CAPN10: variants seen among roughly 807,000 people sequenced by gnomAD.
CAPN10 encodes the protein calpain-10.
In CAPN10, 71 loss-of-function variants were observed where a neutral mutation model predicts 78.4. That is an observed-to-expected ratio of 0.91 (90% confidence interval 0.75 to 1.10). The LOEUF is 1.10. Among genes scored for constraint, CAPN10 ranks in the 50% least tolerant of loss-of-function variants. CAPN10 has a pLI of 0.00. For missense variants in CAPN10, 849 were observed against 924.6 expected (o/e 0.92, Z 1.06); for synonymous variants, 437 against 407.2 (o/e 1.07, Z -0.88).
chr2:240,592,189 G>C (rs370061942), intron 4 of CAPN10, 39 bp downstream of exon 4: 1 of 1,515,386 alleles, frequency 6.6e-7, no homozygotes. Context: ...TGCAGCCAGC[G>C]TGCCCCCCAC....
intron 6 of CAPN10, 75 bp downstream of exon 6, chr2:240,594,784 C>T: frequency 8.3e-7 from 1 of 1,205,620 alleles, no homozygotes; most frequent in Non-Finnish European, 1.1e-6. Flanking sequence ...TGCCTGGGTT[C>T]CCCCTGCCCA....
rs758159564 is a variant in CAPN10, at chr2:240,597,877, G to A, written c.1744-11G>A. On this transcript the variant is annotated splice_polypyrimidine_tract_variant and intron_variant, in intron 9 of 11. Coordinates refer to ENST00000391984, the MANE Select transcript of CAPN10 (RefSeq NM_023083.4). ...GCTGGCCCCCTCAGTCTGAGCCTGC[G>A]CTTTCCTCAGGTCCCAGAGGGTGGA... 50 of 1,582,144 alleles carry A rather than the reference G, an allele frequency of 3.2e-5. No individual in the cohort carries two copies. The highest frequency in any genetic ancestry group is 3.6e-5 in the Admixed American group (2 of 55,314).
intron 5 of CAPN10, 65 bp downstream of exon 5, chr2:240,594,112 T>C: frequency 6.8e-7 from 1 of 1,473,840 alleles, no homozygotes; most frequent in Non-Finnish European, 9.1e-7. Context: ...CTGGCCTGTG[T>C]CCTGGTCACC....
Position 240,592,138 on chromosome 2 carries a change from A to G in CAPN10, c.676A>G (p.Ser226Gly), listed in dbSNP as rs1281552801. The G allele has an allele frequency of 1.9e-6, 3 of 1,565,460 alleles. No individual in the cohort carries two copies. The highest frequency in any genetic ancestry group is 1.7e-6 in the Non-Finnish European group (2 of 1,155,420). ...DQCLISCCVL[S>G]PRAGARELGE... The stretch of plus-strand genomic sequence containing the variant: ...GTGTCTGATCAGCTGCTGCGTGCTC[A>G]GCCCCAGAGCAGGTGAGGCACGTGG... Residue 226 changes from serine (S) to glycine (G), a missense_variant, in exon 4 of 12, where the codon AGC becomes GGC. Coordinates refer to ENST00000391984, the MANE Select transcript of CAPN10 (RefSeq NM_023083.4).
Position 240,597,944 on chromosome 2 carries a change from G to C in CAPN10, c.1800G>C (p.Leu600=), listed in dbSNP as rs1559427767. Residue 600 remains leucine (L), a synonymous_variant, in exon 10 of 12, where the codon CTG becomes CTC. Transcript: ENST00000391984. ...DAPPLLLQEP[L]LSCVPHRYAQ... ...CCCCACTGCTGCTGCAGGAGCCGCT[G>C]CTGAGCTGCGTGCCACATCGCTACG... is the stretch of plus-strand genomic sequence containing the variant. The C allele has an allele frequency of 1.2e-6, 2 of 1,612,664 alleles. No homozygotes were observed. The highest frequency in any genetic ancestry group is 3.3e-5 in the Admixed American group (2 of 59,952).
chr2:240,591,093 G>A lies in CAPN10; in HGVS notation c.470+82G>A, dbSNP rs947642843. On this transcript the variant is annotated intron_variant, in intron 3 of 11. Coordinates refer to ENST00000391984, the MANE Select transcript of CAPN10 (RefSeq NM_023083.4). ...CATGGGCTGCCCCAGGAGGGTCTCT[G>A]CTCACTCTGGGCTGCAGAGCCCCCT... is the stretch of plus-strand genomic sequence containing the variant. 3.0e-6 allele frequency: 4 copies of A among 1,334,892 alleles called. No individual in the cohort carries two copies. The African/African-American group carries it at 5.8e-5, about 19-fold the overall frequency. The allele number at this position is 1,334,892 out of a possible 1,614,324, so 82.7% of individuals were successfully genotyped here. A position where few individuals can be genotyped will look rare whatever the true frequency, so the allele number is the denominator to read the frequency against.
At chr2:240,597,248 C>T (rs915991023) in intron 9 of CAPN10, among the ~76,000 whole-genome samples, 4 of 152,088 alleles carry the variant, frequency 2.6e-5, no homozygotes, top group African/African-American at 9.7e-5. Flanking sequence ...GACAGGAGGC[C>T]GAGGTTGAGA....
chr2:240,598,152 T>A, intron 10 of CAPN10, 65 bp downstream of exon 10: 2 of 1,487,362 alleles, frequency 1.3e-6, no homozygotes, highest in Non-Finnish European at 1.9e-6. Flanking sequence ...AGTGCTCGCC[T>A]GTCCCCCCAC....
At chr2:240,593,805 C>A in intron 4 of CAPN10, 101 bp from the exon 5 acceptor site, 1 of 1,401,734 alleles carries the variant, frequency 7.1e-7, no homozygotes, top group Non-Finnish European at 9.6e-7. Flanking sequence ...GTGGGGTGGG[C>A]TGGAGCATCT....
Position 240,594,056 on chromosome 2 carries a change from TG to T in CAPN10, c.830+13del. On this transcript the variant is annotated intron_variant, in intron 5 of 11. Coordinates refer to ENST00000391984, the MANE Select transcript of CAPN10 (RefSeq NM_023083.4). ...GGGCTCTGGAGAGAGGGGTGAGTGC[TG>T]GGGCCTGGACCATGCTGCTGTCGGG... 1 of 1,586,964 alleles carries T rather than the reference TG, an allele frequency of 6.3e-7. No homozygotes were observed. Among genetic ancestry groups the T allele is most frequent in the Non-Finnish European group, 8.6e-7 (1 of 1,163,688 alleles).
At chr2:240,592,262 A>C (rs2093107370) in intron 4 of CAPN10, 112 bp downstream of exon 4, 1 of 901,752 alleles carries the variant, frequency 1.1e-6, no homozygotes, top group African/African-American at 1.6e-5. Context: ...GTCAGGACTA[A>C]GTGGGAAGAA....
At position 240,598,991 on chromosome 2, in the gene CAPN10, A is replaced by AT. The variant is rs1194493180; in HGVS notation, c.*312dup. ...CTCCCAGATCCTCTGCTGACTCCAT[A>AT]TGGAGGCCTCACACCCAGAGGGTAG... On this transcript the variant is annotated 3_prime_UTR_variant, in exon 12 of 12. Transcript: ENST00000391984. The AT allele has an allele frequency of 4.1e-6, 2 of 493,332 alleles. No individual in the cohort carries two copies. The highest frequency in any genetic ancestry group is 3.3e-5 in the Admixed American group (1 of 30,214). 30.6% of individuals were successfully genotyped at this position (493,332 alleles called of 1,614,324 possible).
At position 240,598,273 on chromosome 2, in the gene CAPN10, G is replaced by T. The variant is rs2093150368; in HGVS notation, c.1944-79G>T. 6 of 1,533,420 alleles carry T rather than the reference G, an allele frequency of 3.9e-6. No individual in the cohort carries two copies. In the South Asian group the frequency reaches 4.5e-5, roughly 11 times the overall value. The allele number at this position is 1,533,420 out of a possible 1,614,324, so 95.0% of individuals were successfully genotyped here. A position where few individuals can be genotyped will look rare whatever the true frequency, so the allele number is the denominator to read the frequency against. ...GGTCTGAGCCTGGAAGGAGAGTCTA[G>T]TGGGAGGTGGGCCAGGAGCACACAG... On this transcript the variant is annotated intron_variant, in intron 10 of 11. Transcript: ENST00000391984.
chr2:240,591,064 C>A, intron 3 of CAPN10, 53 bp downstream of exon 3: 1 of 1,541,730 alleles, frequency 6.5e-7, no homozygotes, highest in Non-Finnish European at 8.9e-7. Context: ...GGAGCTGCCA[C>A]TACCATGGGC....
At chr2:240,594,344 C>A in intron 5 of CAPN10, 199 bp from the exon 6 acceptor site, 1 of 661,106 alleles carries the variant, frequency 1.5e-6, no homozygotes, top group Non-Finnish European at 2.6e-6. Flanking sequence ...AAAGAGAGGG[C>A]TCCAGGGTGG....
Position 240,598,783 on chromosome 2 carries a change from G to C in CAPN10, c.*103G>C, listed in dbSNP as rs1040826209. ...CTTGCACTGTGGGGGCTGGTCCTGA[G>C]TCTTGGCCTGCCTCCCAGCCCTGCC... On this transcript the variant is annotated 3_prime_UTR_variant, in exon 12 of 12. Transcript: ENST00000391984. 1.1e-5 allele frequency: 12 copies of C among 1,138,568 alleles called. No homozygotes were observed. In the Admixed American group the frequency reaches 2.2e-4, roughly 21 times the overall value. 70.5% of individuals were successfully genotyped at this position (1,138,568 alleles called of 1,614,324 possible). A position where few individuals can be genotyped will look rare whatever the true frequency, so the allele number is the denominator to read the frequency against.
chr2:240,591,464 T>C (rs2093101555), intron 3 of CAPN10: 2 of 228,900 alleles, frequency 8.7e-6, no homozygotes, highest in Non-Finnish European at 1.7e-5. Flanking sequence ...CATAATTGAA[T>C]AGCCTTCCCT....
Position 240,598,007 on chromosome 2 carries a change from C to T in CAPN10, c.1863C>T (p.Gly621=), listed in dbSNP as rs2093148229. Residue 621 remains glycine (G), a synonymous_variant, in exon 10 of 12, where the codon GGC becomes GGT. Transcript: ENST00000391984. The part of the protein sequence containing the change: ...EVSRLCLLPA[G]TYKVVPSTYL... ...GCCGGCTCTGCCTCCTGCCTGCGGG[C>T]ACCTACAAGGTTGTGCCCTCCACCT... The T allele has an allele frequency of 1.2e-6, 2 of 1,613,252 alleles. No homozygotes were observed. Among genetic ancestry groups the T allele is most frequent in the Non-Finnish European group, 1.7e-6 (2 of 1,179,960 alleles).
In CAPN10 at chr2:240,595,321, T is replaced by C. The variant is rs2093130019; in HGVS notation, c.1278+17T>C. 2 of 1,609,840 alleles carry C rather than the reference T, an allele frequency of 1.2e-6. No individual in the cohort carries two copies. Among genetic ancestry groups the C allele is most frequent in the Non-Finnish European group, 1.7e-6 (2 of 1,179,652 alleles). On this transcript the variant is annotated intron_variant, in intron 7 of 11. Transcript: ENST00000391984. ...CTCTGGAAGGTAACTCAGCCCCGTC[T>C]GGCTCACGCTCGGTTCAGCAGGTGG...
Sources: gnomAD v4.1 joint callset for allele counts (sites outside exome capture counted in the v4.1 genomes callset) on GRCh38, gnomAD v4.1.1 for gene constraint, MANE v1.5 for transcripts, NCBI Gene and HGNC (gene_info 2026-07-23, HGNC 2026-07-21) for gene names.